NOL9: variants seen among roughly 807,000 people sequenced by gnomAD.
NOL9 encodes nucleolar protein 9.
NOL9 carries 28 observed loss-of-function variants against 67.9 expected under a neutral mutation model. The observed-to-expected ratio is 0.41, with a 90% CI of 0.31 to 0.57. NOL9 has a LOEUF of 0.57. Ranked by LOEUF, NOL9 falls within the 20% of genes least tolerant of loss-of-function variation. NOL9 has a pLI of 0.25. For missense variants in NOL9, 777 were observed against 897.0 expected, an observed-to-expected ratio of 0.87 and a Z score of 1.71; for synonymous variants, 356 against 352.2, an observed-to-expected ratio of 1.01 and a Z score of -0.12.
intron 11 of NOL9, among the ~76,000 whole-genome samples, chr1:6,526,216 C>A (rs941173525): frequency 6.6e-6 from 1 of 152,154 alleles, no homozygotes; most frequent in East Asian, 1.9e-4. Context: ...CCCATTCCAT[C>A]AACACAGCAA....
chr1:6,528,926 G>C (rs1333100360), intron 10 of NOL9, 68 bp downstream of exon 10: 4 of 1,481,784 alleles, frequency 2.7e-6, no homozygotes, highest in Non-Finnish European at 3.7e-6. Flanking sequence ...GTCAAGACCA[G>C]TCATCTACAG....
intron 3 of NOL9, among the ~76,000 whole-genome samples, chr1:6,549,078 A>G (rs1036351373): frequency 6.6e-6 from 1 of 151,890 alleles, no homozygotes; most frequent in African/African-American, 2.4e-5. Flanking sequence ...GAGAGAGTCC[A>G]TCTCAAAACA....
chr1:6,546,219 G>A (rs1431296549), intron 3 of NOL9, among the ~76,000 whole-genome samples: 1 of 152,144 alleles, frequency 6.6e-6, no homozygotes, highest in Admixed American at 6.6e-5. Flanking sequence ...TAAGAAATAT[G>A]AACAGTGGTG....
intron 6 of NOL9, among the ~76,000 whole-genome samples, chr1:6,535,534 C>T (rs924010518): frequency 1.3e-5 from 2 of 152,106 alleles, no homozygotes; most frequent in Admixed American, 6.6e-5. Flanking sequence ...AGGAGGTGGC[C>T]GGCAGGGCAG....
At chr1:6,532,337 G>T in intron 8 of NOL9, 126 bp downstream of exon 8, 3 of 901,478 alleles carry the variant, frequency 3.3e-6, no homozygotes, top group Non-Finnish European at 5.1e-6. Context: ...GTTCGTCTTT[G>T]TGCATGCACA....
chr1:6,533,574 T>A, intron 6 of NOL9, 133 bp from the exon 7 acceptor site: 1 of 574,088 alleles, frequency 1.7e-6, no homozygotes, highest in Non-Finnish European at 2.8e-6. Flanking sequence ...CCATCCTACC[T>A]ACAGGAACAC....
intron 9 of NOL9, among the ~76,000 whole-genome samples, chr1:6,529,861 G>A (rs1404691767): frequency 6.6e-6 from 1 of 152,046 alleles, no homozygotes; most frequent in Non-Finnish European, 1.5e-5. Context: ...AGGAGGCGGA[G>A]GTTGCAGTGA....
At chr1:6,552,104 C>T (rs1286116664) in intron 1 of NOL9, among the ~76,000 whole-genome samples, 1 of 152,158 alleles carries the variant, frequency 6.6e-6, no homozygotes, top group African/African-American at 2.4e-5. Context: ...CATGAGAACA[C>T]ATGGATACAT....
chr1:6,547,529 AAAAG>A (rs1381262148), intron 3 of NOL9, among the ~76,000 whole-genome samples: 5 of 152,136 alleles, frequency 3.3e-5, no homozygotes, highest in Non-Finnish European at 5.9e-5. Context: ...AAAAAAAAAA[AAAAG>A]AACTTAAGGA....
At chr1:6,552,800 C>T (rs1022335279) in intron 1 of NOL9, among the ~76,000 whole-genome samples, 3 of 151,904 alleles carry the variant, frequency 2.0e-5, no homozygotes, top group African/African-American at 4.8e-5. Flanking sequence ...CTTTCTTTTC[C>T]CCTCCCTCCT....
At position 6,533,428 on chromosome 1, in the gene NOL9, A is replaced by G. The variant is rs775196358; in HGVS notation, c.1089T>C (p.Thr363=). Residue 363 remains threonine, a synonymous_variant, in exon 7 of 12, where the codon ACT becomes ACC. Coordinates refer to ENST00000377705, the MANE Select transcript of NOL9 (RefSeq NM_024654.5). ...CCATCTTCTGTGGAGTCCTCAGGTG[A>G]GTGAAAGGTGGTCCTAAAAAGATAA... is the stretch of plus-strand genomic sequence containing the variant. ...ITEPVLGPPF[T]HLRTPQKMVY... is the part of the protein sequence containing the mutation. 1.9e-6 allele frequency: 3 copies of G among 1,590,728 alleles called. No individual in the cohort carries two copies. The highest frequency in any genetic ancestry group is 2.6e-6 in the Non-Finnish European group (3 of 1,166,758).
At chr1:6,531,245 G>T (rs1639021281) in intron 9 of NOL9, among the ~76,000 whole-genome samples, 1 of 151,298 alleles carries the variant, frequency 6.6e-6, no homozygotes, top group South Asian at 2.1e-4. Context: ...TCGGCATCTC[G>T]CTCTGTCACC....
chr1:6,544,544 C>CGCACGCA (rs61278197), intron 5 of NOL9, among the ~76,000 whole-genome samples: 4 of 118,704 alleles, frequency 3.4e-5, no homozygotes, highest in South Asian at 2.7e-4. Flanking sequence ...CACACACGCA[C>CGCACGCA]CCCCCCCCCG....
At chr1:6,547,916 T>C (rs1335195325) in intron 3 of NOL9, 2 of 209,208 alleles carry the variant, frequency 9.6e-6, no homozygotes, top group Non-Finnish European at 2.0e-5. Context: ...GTCCAGCATT[T>C]GACACACCGT....
At position 6,541,897 on chromosome 1, in the gene NOL9, A is replaced by G; in HGVS notation, c.1008T>C (p.Asp336=). ...SLPCVDYLEC[D]LGQTEFTPPG... ...GAGGGGTAAATTCTGTCTGTCCCAGATCACATTCCAAATAGTCAACGCAGG... is the reference window on the plus strand; with the variant it reads ...GAGGGGTAAATTCTGTCTGTCCCAGGTCACATTCCAAATAGTCAACGCAGG... The change falls in exon 6 of 12, where the codon GAT becomes GAC. Residue 336 remains aspartate, a synonymous_variant. Transcript: ENST00000377705. 1.2e-6 allele frequency: 2 copies of G among 1,606,988 alleles called. No individual in the cohort carries two copies. Among genetic ancestry groups the G allele is most frequent in the Non-Finnish European group, 1.7e-6 (2 of 1,177,470 alleles).
At position 6,522,521 on chromosome 1, in the gene NOL9, G is replaced by A. The variant is rs1294966742; in HGVS notation, c.*3333C>T. 6.6e-6 allele frequency: 1 copy of A among 152,078 alleles called. No individual in the cohort carries two copies. Among genetic ancestry groups the A allele is most frequent in the Non-Finnish European group, 1.5e-5 (1 of 68,068 alleles). 9.4% of individuals were successfully genotyped at this position (152,078 alleles called of 1,614,324 possible). A position where few individuals can be genotyped will look rare whatever the true frequency, so the allele number is the denominator to read the frequency against. On this transcript the variant is annotated 3_prime_UTR_variant, in exon 12 of 12. Coordinates refer to ENST00000377705, the MANE Select transcript of NOL9 (RefSeq NM_024654.5). ...CCTGAGATCAGGCCACTGCACTCCA[G>A]CCTTGGCGACAGAGAGTCCGTCGCA... is the stretch of plus-strand genomic sequence containing the variant.
At chr1:6,541,444 A>T (rs1338102734) in intron 6 of NOL9, among the ~76,000 whole-genome samples, 3 of 152,176 alleles carry the variant, frequency 2.0e-5, no homozygotes, top group Non-Finnish European at 4.4e-5. Context: ...AGCCTCCCCA[A>T]GTGCTGGGAT....
At chr1:6,544,359 A>AAAAAAATAAAAT (rs1639367212) in intron 5 of NOL9, among the ~76,000 whole-genome samples, 2 of 149,896 alleles carry the variant, frequency 1.3e-5, no homozygotes, top group Non-Finnish European at 3.0e-5. Context: ...TCATCTCTAC[A>AAAAAAATAAAAT]AAAATAAAAA....
At chr1:6,529,202 C>T in intron 9 of NOL9, 31 bp from the exon 10 acceptor site, 1 of 1,594,198 alleles carries the variant, frequency 6.3e-7, no homozygotes, top group Non-Finnish European at 8.6e-7. Context: ...TCACTCTATT[C>T]ATGGCTACTT....
Sources: gnomAD v4.1 joint callset for allele counts (sites outside exome capture counted in the v4.1 genomes callset) on GRCh38, gnomAD v4.1.1 for gene constraint, MANE v1.5 for transcripts, NCBI Gene and HGNC (gene_info 2026-07-23, HGNC 2026-07-21) for gene names.